Variants in ARHGAP42 observed in about 807,000 individuals in gnomAD.
ARHGAP42 encodes the protein Rho GTPase activating protein 42, also known as rho GTPase-activating protein 42.
A neutral mutation model predicts 125.0 loss-of-function variants in ARHGAP42; 63 were observed. The ratio of observed to expected loss-of-function variants is 0.50; its 90% CI spans 0.41 to 0.62. The LOEUF (loss-of-function observed/expected upper bound fraction) is 0.62. ARHGAP42 is among the 20% of genes least tolerant of loss of function. The probability of loss-of-function intolerance (pLI) is 0.00; values close to 1 mark genes in which losing one functional copy is unlikely to be tolerated. For synonymous variants in ARHGAP42, 339 were observed against 351.0 expected (o/e 0.97, Z 0.38); for missense variants, 766 against 1,024.2 (o/e 0.75, Z 3.44).
At chr11:100,960,358 A>G (rs1857922688) in intron 13 of ARHGAP42, among the ~76,000 whole-genome samples, 1 of 151,856 alleles carries the variant, frequency 6.6e-6, no homozygotes, top group South Asian at 2.1e-4. Context: ...TCTTCGTTTT[A>G]ATCATGACCT....
rs1301967022 is a variant in ARHGAP42, at chr11:100,974,562, A to C, written c.1814A>C (p.Lys605Thr). ...ATCTGCCTCTCTACAGGGTCTAGGA[A>C]GCCCAGAGGGAGGTATACTCCATGC... Reference protein sequence around the residue: ...RAICLSTGSRKPRGRYTPCLA... With the variant: ...RAICLSTGSRTPRGRYTPCLA... Residue 605 changes from lysine to threonine, a missense_variant, in exon 19 of 24, where the codon AAG (lysine) becomes ACG (threonine). Lys to Thr is a moderately conservative substitution (Grantham distance 78, BLOSUM62 -1). Transcript: ENST00000298815. 6.4e-7 allele frequency: 1 copy of C among 1,551,136 alleles called. No homozygotes were observed.
chr11:100,970,421 G>A (rs1281853618), intron 17 of ARHGAP42, among the ~76,000 whole-genome samples: 1 of 152,088 alleles, frequency 6.6e-6, no homozygotes, highest in Non-Finnish European at 1.5e-5. Context: ...ATAGTTTCAG[G>A]AGAGTTCTGT....
chr11:100,972,576 G>A (rs1858277799), intron 17 of ARHGAP42, among the ~76,000 whole-genome samples: 1 of 152,074 alleles, frequency 6.6e-6, no homozygotes, highest in Non-Finnish European at 1.5e-5. Context: ...AAAGAAACAT[G>A]TTGGCCAATG....
chr11:100,692,355 A>G (rs1861205348), intron 1 of ARHGAP42, among the ~76,000 whole-genome samples: 1 of 152,242 alleles, frequency 6.6e-6, no homozygotes, highest in African/African-American at 2.4e-5. Flanking sequence ...TTTACAAAGT[A>G]AATAAAAACA....
chr11:100,889,000 A>T (rs1866158430), intron 4 of ARHGAP42, among the ~76,000 whole-genome samples: 1 of 152,094 alleles, frequency 6.6e-6, no homozygotes, highest in South Asian at 2.1e-4. Flanking sequence ...TAACTATTGT[A>T]CTCTGTACTT....
At chr11:100,795,191 G>A in intron 3 of ARHGAP42, 25 bp downstream of exon 3, 1 of 1,487,300 alleles carries the variant, frequency 6.7e-7, no homozygotes, top group Non-Finnish European at 9.0e-7. Flanking sequence ...TATTTCTTAA[G>A]AATATTGCTT....
intron 3 of ARHGAP42, among the ~76,000 whole-genome samples, chr11:100,818,345 G>T (rs1864319324): frequency 6.6e-6 from 1 of 152,188 alleles, no homozygotes; most frequent in South Asian, 2.1e-4. Flanking sequence ...CAGATGCTGA[G>T]TTATTGACGG....
At chr11:100,725,281 C>T (rs1308988500) in intron 1 of ARHGAP42, among the ~76,000 whole-genome samples, 3 of 151,826 alleles carry the variant, frequency 2.0e-5, no homozygotes, top group African/African-American at 7.3e-5. Flanking sequence ...AGCAATTCTC[C>T]TGCCTCAGCC....
chr11:100,855,042 A>C (rs1377233921), intron 3 of ARHGAP42, among the ~76,000 whole-genome samples: 1 of 152,118 alleles, frequency 6.6e-6, no homozygotes, highest in Admixed American at 6.6e-5. Flanking sequence ...GTTTATATTG[A>C]CATCTCAACA....
At chr11:100,903,768 A>T (rs114652473) in intron 4 of ARHGAP42, among the ~76,000 whole-genome samples, 2 of 131,828 alleles carry the variant, frequency 1.5e-5, no homozygotes, top group Non-Finnish European at 3.2e-5. Context: ...ATGTAAAGGA[A>T]AGTTTATTAA....
chr11:100,895,651 A>G (rs1866335292), intron 4 of ARHGAP42, among the ~76,000 whole-genome samples: 1 of 151,886 alleles, frequency 6.6e-6, no homozygotes, highest in Non-Finnish European at 1.5e-5. Context: ...GTATTTGAGG[A>G]AGGCATCTGG....
chr11:100,711,221 T>C (rs1365332214), intron 1 of ARHGAP42, among the ~76,000 whole-genome samples: 2 of 152,240 alleles, frequency 1.3e-5, no homozygotes, highest in African/African-American at 4.8e-5. Context: ...AACTGAAGCT[T>C]CTTTTCCCTT....
chr11:100,779,467 A>C (rs1867064), intron 2 of ARHGAP42, among the ~76,000 whole-genome samples: 1 of 85,682 alleles, frequency 1.2e-5, no homozygotes, highest in African/African-American at 4.8e-5. Flanking sequence ...AAAAAAAAAA[A>C]ATATATATAT....
At position 100,821,008 on chromosome 11, in the gene ARHGAP42, C is replaced by T. The variant is rs541516853; in HGVS notation, c.312+25842C>T. On this transcript the variant is annotated intron_variant, in intron 3 of 23. Coordinates refer to ENST00000298815, the MANE Select transcript of ARHGAP42 (RefSeq NM_152432.4). Reference sequence around the variant, plus strand: ...TTTAGTGCTTCCCTTTCCAGCTGTCCGGCTGTCTGGGGAGATGTAAGAAAA... The same window carrying T: ...TTTAGTGCTTCCCTTTCCAGCTGTCTGGCTGTCTGGGGAGATGTAAGAAAA... 3.5e-3 allele frequency among the ~76,000 whole-genome samples: 522 copies of T among 150,990 alleles called. 4 individuals are homozygous for T. Among genetic ancestry groups the T allele is most frequent in the African/African-American group, 0.012 (496 of 41,068 alleles).
At chr11:100,948,661 A>G (rs504081) in intron 11 of ARHGAP42, 126 bp downstream of exon 11, 605,890 of 694,152 alleles carry the variant, frequency 0.87, 264,800 homozygotes, top group East Asian at 1. Context: ...AAAGGAAATC[A>G]GGGGAGTAGA....
rs1284755548 is a variant in ARHGAP42, at chr11:100,973,208, T to C, written c.1584T>C (p.Thr528=). Residue 528 remains threonine, a synonymous_variant, in exon 18 of 24, where the codon ACT becomes ACC. Coordinates refer to ENST00000298815, the MANE Select transcript of ARHGAP42 (RefSeq NM_152432.4). ...VSLHSQQNLM[T]VSNLGVIFGP... The stretch of plus-strand genomic sequence containing the variant: ...TACACAGCCAACAAAATCTCATGAC[T>C]GTCTCAAATCTTGGTGTCATATTTG... The C allele has an allele frequency of 5.8e-6, 9 of 1,550,726 alleles. No homozygotes were observed. The highest frequency in any genetic ancestry group is 7.9e-6 in the Non-Finnish European group (9 of 1,146,492).
At chr11:100,863,087 C>CA (rs750291118) in intron 4 of ARHGAP42, among the ~76,000 whole-genome samples, 2,472 of 142,374 alleles carry the variant, frequency 0.017, 35 homozygotes, top group Non-Finnish European at 0.024. Context: ...CACACAACAA[C>CA]AAAAAAAAGG....
chr11:100,982,469 A>T (rs1858569858), intron 22 of ARHGAP42, among the ~76,000 whole-genome samples: 2 of 152,234 alleles, frequency 1.3e-5, no homozygotes. Flanking sequence ...GAAAAATGTC[A>T]TAGTGCCCGG....
Position 100,776,712 on chromosome 11 carries a change from C to T in ARHGAP42, c.250+6274C>T, listed in dbSNP as rs564815028. 4.6e-5 allele frequency among the ~76,000 whole-genome samples: 7 copies of T among 152,272 alleles called. No homozygotes were observed. The South Asian group carries it at 6.2e-4, about 14-fold the overall frequency. ...TTAGCATCGGCCGGGCACAGTGGCT[C>T]ACTCCTGTAATCCCAGCACTAGCAC... On this transcript the variant is annotated intron_variant, in intron 2 of 23. Transcript: ENST00000298815.
Sources: gnomAD v4.1 joint callset for allele counts (sites outside exome capture counted in the v4.1 genomes callset) on GRCh38, gnomAD v4.1.1 for gene constraint, MANE v1.5 for transcripts, NCBI Gene and HGNC (gene_info 2026-07-23, HGNC 2026-07-21) for gene names.